ZNF384: variants seen among roughly 807,000 people sequenced by gnomAD.
ZNF384 encodes the protein zinc finger protein 384.
A neutral mutation model predicts 65.0 loss-of-function variants in ZNF384; 20 were observed. That is an observed-to-expected ratio of 0.31 (90% CI 0.22 to 0.45). The LOEUF (loss-of-function observed/expected upper bound fraction) is 0.45, where lower values mean the gene tolerates loss of function less well. Among genes scored for constraint, ZNF384 ranks in the 20% least tolerant of loss-of-function variants. The probability of loss-of-function intolerance (pLI) is 1.00; values close to 1 mark genes in which losing one functional copy is unlikely to be tolerated. For missense variants in ZNF384, 549 were observed against 769.4 expected (o/e 0.71, Z 3.39); for synonymous variants, 310 against 303.9 (o/e 1.02, Z -0.21).
rs1950161373 is a variant in ZNF384 at position 6,667,935 on chromosome 12, GC to G, written c.1605del (p.Gln535HisfsTer45). On this transcript the variant is annotated frameshift_variant, in exon 12 of 12. Coordinates refer to ENST00000683879, the MANE Select transcript of ZNF384 (RefSeq NM_001385745.1). LOFTEE classifies it high-confidence loss of function. Reference protein sequence around the residue: ...AQASQASQQQQQQQQQQQQQQ... With the variant: ...AQASQASQQQXQQQQQQQQQQ... The stretch of plus-strand genomic sequence containing the variant: ...TGCTGCTGCTGCTGCTGCTGCTGCT[GC>G]TGCTGCTGCTGTGATGCCTGGGAGG... 6 of 1,611,712 alleles carry G rather than the reference GC, an allele frequency of 3.7e-6. No homozygotes were observed. Among genetic ancestry groups the G allele is most frequent in the Non-Finnish European group, 5.1e-6 (6 of 1,178,582 alleles).
chr12:6,678,193 A>G lies in ZNF384; in HGVS notation c.620T>C (p.Met207Thr). 6.2e-7 allele frequency: 1 copy of G among 1,614,108 alleles called. No homozygotes were observed. Residue 207 changes from methionine to threonine, a missense_variant, in exon 6 of 12, where the codon ATG (methionine) becomes ACG (threonine). Met to Thr is a moderately conservative substitution (Grantham distance 81, BLOSUM62 -1). Around this residue, in one of 5 missense-constraint regions of ZNF384, gnomAD observed 277 missense variants for 337.2 expected, o/e 0.82. Transcript: ENST00000683879. This position sits in a 1 kb window ranked among gnomAD's most constrained non-coding sequence, Gnocchi z 4.9. ...KRMLESGLPE[M>T]NDPYVLSPED... ...AGGGGAGAGGACATAAGGGTCATTC[A>G]TCTCGGGCAGCCCTGATTCCAGCAT...
chr12:6,681,576 ACACT>A (rs1448051261), intron 2 of ZNF384, among the ~76,000 whole-genome samples: 2 of 152,224 alleles, frequency 1.3e-5, no homozygotes, highest in African/African-American at 4.8e-5. Context: ...CACTGAGGAT[ACACT>A]GGAGGCAAAC....
intron 10 of ZNF384, 33 bp from the exon 11 acceptor site, chr12:6,669,222 A>C (rs761777205): frequency 6.3e-7 from 1 of 1,575,784 alleles, no homozygotes; most frequent in Non-Finnish European, 8.7e-7. Flanking sequence ...GAATGAATAC[A>C]TTGTACTCTT....
Position 6,669,344 on chromosome 12 carries a change from T to C in ZNF384, c.1267-155A>G, listed in dbSNP as rs560480855. ...TTGTTTCAAATGAAACTTGAGAAGCTACAGGCTAAGGGTGGAAGCATACCT... is the reference window on the plus strand; with the variant it reads ...TTGTTTCAAATGAAACTTGAGAAGCCACAGGCTAAGGGTGGAAGCATACCT... On this transcript the variant is annotated intron_variant, in intron 10 of 11. Coordinates refer to ENST00000683879, the MANE Select transcript of ZNF384 (RefSeq NM_001385745.1). Among the ~76,000 whole-genome samples the C allele has an allele frequency of 5.9e-5, 9 of 152,284 alleles. 1 individual carries two copies. The highest frequency in any genetic ancestry group is 1.9e-4 in the African/African-American group (8 of 41,544).
At chr12:6,676,914 C>T (rs1037189344) in intron 7 of ZNF384, among the ~76,000 whole-genome samples, 1 of 152,216 alleles carries the variant, frequency 6.6e-6, no homozygotes, top group African/African-American at 2.4e-5. Flanking sequence ...GTGCTCAATT[C>T]TGCATAGCAA....
At chr12:6,688,971 C>G (rs1411648546) in intron 1 of ZNF384, 127 bp downstream of exon 1, 1 of 152,520 alleles carries the variant, frequency 6.6e-6, no homozygotes, top group Non-Finnish European at 1.5e-5. Flanking sequence ...ACAACCACTT[C>G]CGGTTCCGGG....
chr12:6,678,092 C>A lies in ZNF384; in HGVS notation c.686+35G>T, dbSNP rs1358739878. 6.4e-7 allele frequency: 1 copy of A among 1,571,164 alleles called. No individual in the cohort carries two copies. The highest frequency in any genetic ancestry group is 8.7e-7 in the Non-Finnish European group (1 of 1,150,142). On this transcript the variant is annotated intron_variant, in intron 6 of 11. Transcript: ENST00000683879. This position sits in a 1 kb window ranked among gnomAD's most constrained non-coding sequence, Gnocchi z 4.9. ...CAGGGAGAATCACCAAGCCAGGGATCCTCGCCCCATCCTGCCCCTGGCTCT... is the reference window on the plus strand; with the variant it reads ...CAGGGAGAATCACCAAGCCAGGGATACTCGCCCCATCCTGCCCCTGGCTCT...
chr12:6,686,155 C>G lies in ZNF384; in HGVS notation c.-6+2012G>C, dbSNP rs147497343. 4.3e-3 allele frequency among the ~76,000 whole-genome samples: 655 copies of G among 152,288 alleles called. 5 individuals carry two copies. Among genetic ancestry groups the G allele is most frequent in the African/African-American group, 0.014 (582 of 41,532 alleles). On this transcript the variant is annotated intron_variant, in intron 2 of 11. Coordinates refer to ENST00000683879, the MANE Select transcript of ZNF384 (RefSeq NM_001385745.1). ...CAAATAAAGCATGATTTTCTTTCCC[C>G]AAGAAAACAGCATTCCCTTAACACA...
chr12:6,672,555 AG>A lies in ZNF384; in HGVS notation c.1005-24del, dbSNP rs1303044165. ...ATCCTGCCGGAGAGGAGAGGAGGGAAGGGGGGAGGAGGAAGCAGTTCGACAC... is the reference window on the plus strand; with the variant it reads ...ATCCTGCCGGAGAGGAGAGGAGGGAAGGGGGAGGAGGAAGCAGTTCGACAC... On this transcript the variant is annotated intron_variant, in intron 8 of 11. Transcript: ENST00000683879. The surrounding 1 kb of genome is among the most constrained non-coding windows in gnomAD (Gnocchi z 4.4). 9 of 1,610,312 alleles carry A rather than the reference AG, an allele frequency of 5.6e-6. No individual in the cohort carries two copies. Among genetic ancestry groups the A allele is most frequent in the South Asian group, 2.2e-5 (2 of 90,830 alleles).
intron 2 of ZNF384, among the ~76,000 whole-genome samples, chr12:6,686,005 C>T (rs975748756): frequency 1.3e-5 from 2 of 152,126 alleles, no homozygotes; most frequent in Non-Finnish European, 2.9e-5. Context: ...CACATCCTTC[C>T]GTAATGCTAC....
At chr12:6,685,158 A>G (rs1355260214) in intron 2 of ZNF384, among the ~76,000 whole-genome samples, 1 of 152,122 alleles carries the variant, frequency 6.6e-6, no homozygotes. Flanking sequence ...CCCTGTATCT[A>G]CAAAAAATTA....
At chr12:6,687,147 G>A (rs906490450) in intron 2 of ZNF384, among the ~76,000 whole-genome samples, 1 of 152,240 alleles carries the variant, frequency 6.6e-6, no homozygotes, top group Middle Eastern at 3.4e-3. Context: ...ACGCTTTCCC[G>A]CCAGTATCCA....
rs992941459 is a variant in ZNF384 at position 6,689,214 on chromosome 12, G to C, written c.-182C>G. The C allele has an allele frequency of 6.5e-6, 1 of 152,968 alleles. No individual in the cohort carries two copies. The highest frequency in any genetic ancestry group is 1.5e-5 in the Non-Finnish European group (1 of 68,368). The allele number at this position is 152,968 out of a possible 1,614,324, so 9.5% of individuals were successfully genotyped here. ...GAGGACCAGGAAGGGGCGAGGGAGG[G>C]GAAAAAGCGCAAGGCGCAGCGCGCG... On this transcript the variant is annotated 5_prime_UTR_variant, in exon 1 of 12. Transcript: ENST00000683879.
chr12:6,681,878 G>A (rs774465782), intron 2 of ZNF384, among the ~76,000 whole-genome samples: 2 of 152,074 alleles, frequency 1.3e-5, no homozygotes, highest in African/African-American at 2.4e-5. Flanking sequence ...AAACAGGCTC[G>A]CTATTAAATG....
chr12:6,678,158 C>G lies in ZNF384; in HGVS notation c.655G>C (p.Asp219His), dbSNP rs1565435180. ...DPYVLSPEDDDDHQKDGKTYR... is the reference protein window; with the variant it reads ...DPYVLSPEDDHDHQKDGKTYR... ...GTCTTGCCGTCTTTCTGATGGTCAT[C>G]ATCATCCTCAGGGGAGAGGACATAA... The change falls in exon 6 of 12, where the codon GAT becomes CAT. Residue 219 changes from aspartate to histidine, a missense_variant. Physicochemically the swap from Asp to His is moderately conservative, Grantham distance 81 (BLOSUM62 -1). Transcript: ENST00000683879. This position sits in a 1 kb window ranked among gnomAD's most constrained non-coding sequence, Gnocchi z 4.9. 6.2e-7 allele frequency: 1 copy of G among 1,613,618 alleles called. No individual in the cohort carries two copies. Among genetic ancestry groups the G allele is most frequent in the Non-Finnish European group, 8.5e-7 (1 of 1,179,614 alleles).
intron 2 of ZNF384, among the ~76,000 whole-genome samples, chr12:6,686,889 A>G (rs1399339215): frequency 2.6e-5 from 4 of 152,244 alleles, no homozygotes; most frequent in Admixed American, 1.3e-4. Context: ...CGGTTTAGAA[A>G]TCATCTACAA....
intron 2 of ZNF384, among the ~76,000 whole-genome samples, chr12:6,681,761 C>T (rs922040535): frequency 5.3e-5 from 8 of 152,164 alleles, no homozygotes; most frequent in Non-Finnish European, 8.8e-5. Context: ...TATTAAACAG[C>T]ACCCCCAATT....
At position 6,670,793 on chromosome 12, in the gene ZNF384, A is replaced by G. The variant is rs1381466112; in HGVS notation, c.1233T>C (p.Cys411=). The G allele has an allele frequency of 3.1e-6, 5 of 1,613,726 alleles. No individual in the cohort carries two copies. The African/African-American group carries it at 6.7e-5, about 22-fold the overall frequency. The part of the protein sequence containing the change: ...DRPYKCAHPG[C]EKAFTQLSNL... ...TGGAGAGTTGTGTGAAGGCTTTCTC[A>G]CAGCCTGGGTGTGCACATTTGTATG... is the stretch of plus-strand genomic sequence containing the variant. Residue 411 remains cysteine, a synonymous_variant, in exon 10 of 12, where the codon TGT becomes TGC. Coordinates refer to ENST00000683879, the MANE Select transcript of ZNF384 (RefSeq NM_001385745.1).
rs115595544 is a variant in ZNF384, at chr12:6,687,599, C to T, written c.-6+568G>A. ...CCAGACCTACTTCTGGAGTCTACTCCGTACAGTTTTATCCACTTCACTCCA... is the reference window on the plus strand; with the variant it reads ...CCAGACCTACTTCTGGAGTCTACTCTGTACAGTTTTATCCACTTCACTCCA... On this transcript the variant is annotated intron_variant, in intron 2 of 11. Coordinates refer to ENST00000683879, the MANE Select transcript of ZNF384 (RefSeq NM_001385745.1). Among the ~76,000 whole-genome samples, 816 of 152,212 alleles carry T rather than the reference C, an allele frequency of 5.4e-3. 5 individuals are homozygous for T. The highest frequency in any genetic ancestry group is 0.024 in the Middle Eastern group (7 of 294).
Sources: allele counts gnomAD v4.1 joint callset (sites outside exome capture counted in the v4.1 genomes callset), GRCh38; gene constraint gnomAD v4.1.1; regional missense constraint gnomAD v4.1.1; non-coding constraint Gnocchi (gnomAD v3.1); transcripts MANE v1.5; gene names NCBI Gene and HGNC (gene_info 2026-07-23, HGNC 2026-07-21).